The following MON2 variants were observed in gnomAD, a reference collection of about 807,000 sequenced individuals.
MON2 encodes the protein MON2 regulator of endosome-to-Golgi trafficking, also known as protein MON2 homolog.
In MON2, 84 loss-of-function variants were observed where a neutral mutation model predicts 208.6. The observed-to-expected ratio is 0.40, with a 90% CI of 0.34 to 0.48. MON2 has a LOEUF of 0.48. Ranked by LOEUF, MON2 falls within the 20% of genes least tolerant of loss-of-function variation. MON2 has a pLI of 0.59. For missense variants in MON2, 1,611 were observed against 2,015.4 expected (o/e 0.80, Z 3.84); for synonymous variants, 660 against 694.0 (o/e 0.95, Z 0.77).
intron 26 of MON2, among the ~76,000 whole-genome samples, chr12:62,561,433 T>C (rs1004362216): frequency 2.9e-4 from 44 of 152,294 alleles, no homozygotes; most frequent in African/African-American, 1.0e-3. Flanking sequence ...TTTAGTAAAG[T>C]ACTTTTATAA....
At chr12:62,518,089 T>A (rs942660715) in intron 8 of MON2, among the ~76,000 whole-genome samples, 3 of 152,218 alleles carry the variant, frequency 2.0e-5, no homozygotes, top group South Asian at 2.1e-4. Context: ...GGTTTGCAGA[T>A]GTCTGTCTTC....
At chr12:62,516,596 C>T (rs1033712488) in intron 8 of MON2, among the ~76,000 whole-genome samples, 8 of 152,074 alleles carry the variant, frequency 5.3e-5, no homozygotes, top group South Asian at 2.1e-4. Flanking sequence ...CCCAGCTACT[C>T]GGGAGGCTGA....
At chr12:62,484,387 A>T (rs945161738) in intron 2 of MON2, among the ~76,000 whole-genome samples, 154 bp downstream of exon 2, 1 of 152,218 alleles carries the variant, frequency 6.6e-6, no homozygotes, top group Non-Finnish European at 1.5e-5. Flanking sequence ...GCAAAAGTCC[A>T]TAACTTATGA....
Position 62,532,420 on chromosome 12 carries a change from T to C in MON2, c.1401-18T>C, listed in dbSNP as rs760265747. On this transcript the variant is annotated intron_variant, in intron 11 of 34. Transcript: ENST00000393630. Reference sequence around the variant, plus strand: ...GTTGTGGCTTCTCATTAGTATTCTATATTTTTCATAATTTCAGCTTAGAAA... The same window carrying C: ...GTTGTGGCTTCTCATTAGTATTCTACATTTTTCATAATTTCAGCTTAGAAA... 68 of 1,561,904 alleles carry C rather than the reference T, an allele frequency of 4.4e-5. No individual in the cohort carries two copies. The highest frequency in any genetic ancestry group is 5.3e-5 in the Non-Finnish European group (60 of 1,132,670).
At chr12:62,513,353 G>A (rs1487502713) in intron 8 of MON2, among the ~76,000 whole-genome samples, 3 of 151,992 alleles carry the variant, frequency 2.0e-5, no homozygotes, top group African/African-American at 7.2e-5. Flanking sequence ...AGCCTCCTGA[G>A]TAGCTAGGAT....
chr12:62,561,785 A>G (rs1365507074), intron 26 of MON2, among the ~76,000 whole-genome samples: 2 of 152,168 alleles, frequency 1.3e-5, no homozygotes, highest in Non-Finnish European at 2.9e-5. Context: ...CCATTCCAAC[A>G]AAGTAAAAAC....
chr12:62,539,064 T>C (rs1368157232), intron 19 of MON2, among the ~76,000 whole-genome samples: 1 of 152,170 alleles, frequency 6.6e-6, no homozygotes, highest in Non-Finnish European at 1.5e-5. Flanking sequence ...CTTTCTGTTA[T>C]ACTTGGAAAG....
At position 62,532,842 on chromosome 12, in the gene MON2, T is replaced by A. The variant is rs2072719815; in HGVS notation, c.1633+172T>A. 2.0e-5 allele frequency among the ~76,000 whole-genome samples: 3 copies of A among 152,218 alleles called. No individual in the cohort carries two copies. In the South Asian group the frequency reaches 6.2e-4, roughly 31 times the overall value. ...CATGTGACTATACTTTTTTCTGACC[T>A]ATTTATAGAAAAAGTTGCAGACATG... On this transcript the variant is annotated intron_variant, in intron 12 of 34. Coordinates refer to ENST00000393630, the MANE Select transcript of MON2 (RefSeq NM_015026.3).
chr12:62,517,771 G>A (rs1425173723), intron 8 of MON2, among the ~76,000 whole-genome samples: 1 of 152,168 alleles, frequency 6.6e-6, no homozygotes, highest in African/African-American at 2.4e-5. Context: ...ATCTTGTTAT[G>A]ACAGACTAAA....
intron 11 of MON2, among the ~76,000 whole-genome samples, chr12:62,528,198 A>G (rs7303825): frequency 0.12 from 18,167 of 152,136 alleles, 1,371 homozygotes; most frequent in Middle Eastern, 0.26. Context: ...TTAACTGTTG[A>G]ATTGGCATCT....
chr12:62,553,010 C>T lies in MON2; in HGVS notation c.3046C>T (p.Pro1016Ser), dbSNP rs763224447. ...VVLNRPFHPA[P>S]PFDCLWLCLY... The stretch of plus-strand genomic sequence containing the variant: ...TTTAAATCGGCCATTCCACCCTGCA[C>T]CGCCATTTGATTGCTTGTGGTTATG... The change falls in exon 24 of 35, where the codon CCG (proline) becomes TCG (serine). Residue 1016 changes from proline to serine, a missense_variant. Coordinates refer to ENST00000393630, the MANE Select transcript of MON2 (RefSeq NM_015026.3). 6.2e-7 allele frequency: 1 copy of T among 1,614,204 alleles called. No individual in the cohort carries two copies. Among genetic ancestry groups the T allele is most frequent in the East Asian group, 2.2e-5 (1 of 44,886 alleles).
intron 15 of MON2, 130 bp from the exon 16 acceptor site, chr12:62,537,472 A>G: frequency 1.3e-6 from 1 of 746,164 alleles, no homozygotes; most frequent in Non-Finnish European, 2.1e-6. Flanking sequence ...TGTTCCTTAT[A>G]AAACCTTCCA....
At chr12:62,509,141 G>A (rs1483000622) in intron 8 of MON2, 5 of 143,878 alleles carry the variant, frequency 3.5e-5, no homozygotes, top group Admixed American at 2.1e-4. Flanking sequence ...TTGAGATGGA[G>A]TCTCACTCTG....
At chr12:62,567,479 A>C (rs971465254) in intron 29 of MON2, among the ~76,000 whole-genome samples, 8 of 152,200 alleles carry the variant, frequency 5.3e-5, no homozygotes, top group African/African-American at 1.9e-4. Context: ...ATTGCTCCAC[A>C]GAAACTGCTT....
chr12:62,543,079 A>G lies in MON2; in HGVS notation c.2365-18A>G. On this transcript the variant is annotated intron_variant, in intron 19 of 34. Transcript: ENST00000393630. ...AATTCTCCTTATACTATCAAAATAC[A>G]ATGTATTTTCTCCCTAGGAACCATC... 7.4e-7 allele frequency: 1 copy of G among 1,351,668 alleles called. No homozygotes were observed. Among genetic ancestry groups the G allele is most frequent in the Non-Finnish European group, 1.0e-6 (1 of 974,636 alleles). The allele number at this position is 1,351,668 out of a possible 1,614,324, so 83.7% of individuals were successfully genotyped here.
At position 62,525,187 on chromosome 12, in the gene MON2, C is replaced by A. The variant is rs1443646406; in HGVS notation, c.1213C>A (p.Pro405Thr). ...TATACAGTCCTTGTTTCTTGTCCCC[C>A]CTACTGGAAATCCTGCAACAAGCAA... The part of the protein sequence containing the change: ...SFIQSLFLVP[P>T]TGNPATSNQA... The change falls in exon 10 of 35, where the codon CCT (proline) becomes ACT (threonine). Residue 405 changes from proline to threonine, a missense_variant. By Grantham distance (38) the Pro-to-Thr change is conservative. Transcript: ENST00000393630. 2 of 1,613,336 alleles carry A rather than the reference C, an allele frequency of 1.2e-6. No individual in the cohort carries two copies. Among genetic ancestry groups the A allele is most frequent in the Non-Finnish European group, 8.5e-7 (1 of 1,179,516 alleles).
chr12:62,530,688 C>G (rs1302451972), intron 11 of MON2, among the ~76,000 whole-genome samples: 2 of 152,048 alleles, frequency 1.3e-5, no homozygotes, highest in Non-Finnish European at 1.5e-5. Context: ...ATAATACTAC[C>G]ATGAGCATTT....
intron 25 of MON2, among the ~76,000 whole-genome samples, chr12:62,559,473 T>A (rs1005276716): frequency 6.6e-6 from 1 of 151,952 alleles, no homozygotes; most frequent in Non-Finnish European, 1.5e-5. Flanking sequence ...TGAAACCCTA[T>A]CTCTACAAAA....
At position 62,525,183 on chromosome 12, in the gene MON2, C is replaced by T; in HGVS notation, c.1209C>T (p.Val403=). Residue 403 remains valine (V), a synonymous_variant, in exon 10 of 35, where the codon GTC becomes GTT. Coordinates refer to ENST00000393630, the MANE Select transcript of MON2 (RefSeq NM_015026.3). ...LGSFIQSLFL[V]PPTGNPATSN... ...CTTTTATACAGTCCTTGTTTCTTGT[C>T]CCCCCTACTGGAAATCCTGCAACAA... is the stretch of plus-strand genomic sequence containing the variant. The T allele has an allele frequency of 6.2e-7, 1 of 1,613,058 alleles. No homozygotes were observed. Among genetic ancestry groups the T allele is most frequent in the African/African-American group, 1.3e-5 (1 of 74,958 alleles).
Sources: allele counts gnomAD v4.1 joint callset (sites outside exome capture counted in the v4.1 genomes callset), GRCh38; gene constraint gnomAD v4.1.1; transcripts MANE v1.5; gene names NCBI Gene and HGNC (gene_info 2026-07-23, HGNC 2026-07-21).